Variants in CA4 observed in about 807,000 individuals in gnomAD.
The protein encoded by CA4 is CA-IV.
Under a neutral mutation model 34.5 loss-of-function variants are expected in CA4, and 24 were observed. That is an observed-to-expected ratio of 0.70 (90% CI 0.50 to 0.98). CA4 has a LOEUF of 0.98. CA4 is among the 50% of genes least tolerant of loss of function. The pLI is 0.00. For synonymous variants in CA4, 178 were observed against 170.6 expected, an observed-to-expected ratio of 1.04 and a Z score of -0.34; for missense variants, 394 against 396.7, an observed-to-expected ratio of 0.99 and a Z score of 0.06.
downstream of CA4, among the ~76,000 whole-genome samples, chr17:60,175,261 T>C (rs73320970): frequency 0.029 from 4,289 of 148,752 alleles, 224 homozygotes; most frequent in African/African-American, 0.1. Context: ...AACCAGCCCA[T>C]TTTTAGCTTT....
chr17:60,156,131 C>T (rs2083679850), intron 2 of CA4, among the ~76,000 whole-genome samples: 1 of 152,172 alleles, frequency 6.6e-6, no homozygotes, highest in Non-Finnish European at 1.5e-5. Context: ...TCCCACTCCA[C>T]AGTTTCCAAA....
At chr17:60,173,888 C>T (rs41458547), downstream of CA4, among the ~76,000 whole-genome samples, 6,030 of 152,170 alleles carry the variant, frequency 0.04, 440 homozygotes, top group African/African-American at 0.14. Context: ...CCGATGATGC[C>T]GATGAATTGC....
chr17:60,155,456 A>G, intron 2 of CA4, 89 bp downstream of exon 2: 1 of 998,070 alleles, frequency 1.0e-6, no homozygotes, highest in Non-Finnish European at 1.5e-6. Flanking sequence ...TGGGAAGGGG[A>G]GGGGTGATGG....
In CA4 at chr17:60,157,702, C is replaced by T. The variant is rs1164306430; in HGVS notation, c.427C>T (p.His143Tyr). The change falls in exon 5 of 8, where the codon CAT becomes TAT. Residue 143 changes from histidine to tyrosine, a missense_variant. By Grantham distance (83) the His-to-Tyr change is moderately conservative. Transcript: ENST00000300900. ...CCACCCCGACCAGATGCACATAGTA[C>T]ATGAGAAAGAGAAGGGGACATCGAG... ...EHFAMEMHIV[H>Y]EKEKGTSRNV... is the part of the protein sequence containing the mutation. 6.2e-7 allele frequency: 1 copy of T among 1,613,828 alleles called. No homozygotes were observed.
chr17:60,175,189 A>ATTTTTTTTTTTT (rs555031745), downstream of CA4, among the ~76,000 whole-genome samples: 873 of 107,574 alleles, frequency 8.1e-3, 93 homozygotes, highest in African/African-American at 0.038. Flanking sequence ...CACCCAGCTG[A>ATTTTTTTTTTTT]TTTTTTTTTT....
chr17:60,160,579 C>T (rs985333146), downstream of CA4, among the ~76,000 whole-genome samples: 1 of 152,044 alleles, frequency 6.6e-6, no homozygotes, highest in African/African-American at 2.4e-5. Context: ...GCCTGGCCAA[C>T]GTGGCGAAAC....
chr17:60,175,893 T>C (rs541265512), downstream of CA4, among the ~76,000 whole-genome samples: 190 of 151,038 alleles, frequency 1.3e-3, 1 homozygote, highest in African/African-American at 3.9e-3. Context: ...CTCAGCTCAC[T>C]GCAGCCTCTG....
In CA4 at chr17:60,165,652, C is replaced by T. The variant is rs547009595; in HGVS notation, c.*179-4899C>T. Among the ~76,000 whole-genome samples the T allele has an allele frequency of 1.9e-4, 29 of 152,274 alleles. No homozygotes were observed. In the South Asian group the frequency reaches 5.8e-3, roughly 30 times the overall value. On this transcript the variant is annotated intron_variant and NMD_transcript_variant, in intron 5 of 5. Coordinates refer to the CA4 transcript ENST00000586876. ...CATGTCCATCTCTCTGCTTCTGGCT[C>T]TGTCCCTGGCTCTGCCTCCCACAAG...
downstream of CA4, among the ~76,000 whole-genome samples, chr17:60,159,991 T>C (rs1203787773): frequency 6.6e-6 from 1 of 152,098 alleles, no homozygotes; most frequent in African/African-American, 2.4e-5. Flanking sequence ...AATACAAAAA[T>C]TAACCAGGTG....
Position 60,157,446 on chromosome 17 carries a change from C to T in CA4, c.288C>T (p.Asn96=), listed in dbSNP as rs749532892. 17 of 1,614,082 alleles carry T rather than the reference C, an allele frequency of 1.1e-5. No individual in the cohort carries two copies. Among genetic ancestry groups the T allele is most frequent in the African/African-American group, 1.3e-5 (1 of 74,940 alleles). ...NGHSVMMLLE[N]KASISGGGLP... ...TCCCAGTGATGATGTTGCTGGAGAACAAGGCCAGCATTTCTGGAGGAGGAC... is the reference window on the plus strand; with the variant it reads ...TCCCAGTGATGATGTTGCTGGAGAATAAGGCCAGCATTTCTGGAGGAGGAC... Residue 96 remains asparagine (N), a synonymous_variant, in exon 4 of 8, where the codon AAC becomes AAT. Coordinates refer to ENST00000300900, the MANE Select transcript of CA4 (RefSeq NM_000717.5).
At chr17:60,167,733 G>C (rs1418982281) in intron 5 of CA4, among the ~76,000 whole-genome samples, 5 of 152,172 alleles carry the variant, frequency 3.3e-5, no homozygotes, top group Admixed American at 2.6e-4. Context: ...TGTGGGATCT[G>C]GGTGTACAAG....
Position 60,156,590 on chromosome 17 carries a change from A to G in CA4, c.143A>G (p.Lys48Arg). 1.9e-6 allele frequency: 3 copies of G among 1,614,210 alleles called. No homozygotes were observed. The highest frequency in any genetic ancestry group is 1.1e-5 in the South Asian group (1 of 91,090). Residue 48 changes from lysine (K) to arginine (R), a missense_variant, in exon 3 of 8, where the codon AAG becomes AGG. Coordinates refer to ENST00000300900, the MANE Select transcript of CA4 (RefSeq NM_000717.5). ...VPVKWGGNCQ[K>R]DRQSPINIVT... The stretch of plus-strand genomic sequence containing the variant: ...GTCAAGTGGGGTGGAAACTGCCAGA[A>G]GGACCGCCAGTCCCCCATCAACATC...
downstream of CA4, among the ~76,000 whole-genome samples, chr17:60,174,474 C>A (rs1304226559): frequency 1.3e-5 from 2 of 151,526 alleles, no homozygotes; most frequent in Non-Finnish European, 2.9e-5. Flanking sequence ...TCACATGGAG[C>A]CTTTAGATGG....
downstream of CA4, among the ~76,000 whole-genome samples, chr17:60,160,336 G>T (rs1412384923): frequency 6.6e-6 from 1 of 152,214 alleles, no homozygotes; most frequent in Non-Finnish European, 1.5e-5. Context: ...TAGGCACTGG[G>T]GATATGGCAG....
chr17:60,176,350 T>C, the CA4 span, among the ~76,000 whole-genome samples: 1 of 152,170 alleles, frequency 6.6e-6, no homozygotes, highest in African/African-American at 2.4e-5. Context: ...TTCGGTATTT[T>C]AATTTTATAG....
At chr17:60,154,525 G>A (rs538299064) in intron 1 of CA4, among the ~76,000 whole-genome samples, 1 of 152,244 alleles carries the variant, frequency 6.6e-6, no homozygotes, top group African/African-American at 2.4e-5. Context: ...TATTTTTAGA[G>A]CAATTTTAGG....
In CA4 at chr17:60,157,540, C is replaced by T. The variant is rs774401941; in HGVS notation, c.382C>T (p.His128Tyr). 6.2e-7 allele frequency: 1 copy of T among 1,614,208 alleles called. No individual in the cohort carries two copies. The highest frequency in any genetic ancestry group is 8.5e-7 in the Non-Finnish European group (1 of 1,180,034). The change falls in exon 4 of 8, where the codon CAC becomes TAC. Residue 128 changes from histidine to tyrosine, a missense_variant. Transcript: ENST00000300900. ...CGACTTGCCATATAAGGGCTCGGAG[C>T]ACAGCCTCGATGGGGAGCACTTTGC... ...WSDLPYKGSE[H>Y]SLDGEHFAME...
chr17:60,159,782 C>T (rs757711185), downstream of CA4, among the ~76,000 whole-genome samples: 2 of 152,132 alleles, frequency 1.3e-5, no homozygotes, highest in African/African-American at 4.8e-5. Context: ...TTCATCACAG[C>T]GGAAGCTAGA....
At chr17:60,164,495 T>C (rs763488339), downstream of CA4, among the ~76,000 whole-genome samples, 30 of 152,088 alleles carry the variant, frequency 2.0e-4, no homozygotes, top group Non-Finnish European at 3.8e-4. Flanking sequence ...GTTCAAGTGA[T>C]TCTCCTGCCT....
Sources: allele counts gnomAD v4.1 joint callset (sites outside exome capture counted in the v4.1 genomes callset), GRCh38; gene constraint gnomAD v4.1.1; transcripts MANE v1.5; gene names NCBI Gene and HGNC (gene_info 2026-07-23, HGNC 2026-07-21).